The following TOM1L2 variants were observed in gnomAD, a reference collection of about 807,000 sequenced individuals.
The protein encoded by TOM1L2 is TOM1-like protein 2.
In TOM1L2, 31 loss-of-function variants were observed where a neutral mutation model predicts 67.9. That is an observed-to-expected ratio of 0.46 (90% CI 0.34 to 0.62). The LOEUF is 0.62. Ranked by LOEUF, TOM1L2 falls within the 20% of genes least tolerant of loss-of-function variation. The probability of loss-of-function intolerance (pLI) is 0.01; values close to 1 mark genes in which losing one functional copy is unlikely to be tolerated. For synonymous variants in TOM1L2, 256 were observed against 254.0 expected (o/e 1.01, Z -0.07); for missense variants, 606 against 663.5 (o/e 0.91, Z 0.95).
rs1048184792 is a variant in TOM1L2, at chr17:17,866,466, G to C, written c.961-47C>G. On this transcript the variant is annotated intron_variant, in intron 9 of 14. Transcript: ENST00000379504. ...CATAAGCCCCAGAACCCTGGAGTCA[G>C]GCTCTGAGGTAGAAGCTGGCAAGGC... 3.3e-6 allele frequency: 5 copies of C among 1,530,608 alleles called. No individual in the cohort carries two copies. The African/African-American group carries it at 4.1e-5, about 13-fold the overall frequency. The allele number at this position is 1,530,608 out of a possible 1,614,324, so 94.8% of individuals were successfully genotyped here.
chr17:17,910,899 C>T (rs1598317954), intron 1 of TOM1L2, among the ~76,000 whole-genome samples: 1 of 152,182 alleles, frequency 6.6e-6, no homozygotes, highest in African/African-American at 2.4e-5. Flanking sequence ...GGAGGTAGAT[C>T]ATTTGGCTGT....
At chr17:17,885,494 ATG>A (rs2037947939) in intron 4 of TOM1L2, among the ~76,000 whole-genome samples, 1 of 152,220 alleles carries the variant, frequency 6.6e-6, no homozygotes, top group Non-Finnish European at 1.5e-5. Context: ...ATGTCAGCAC[ATG>A]TGTGCCCAAA....
chr17:17,876,021 G>A (rs941739178), intron 7 of TOM1L2, among the ~76,000 whole-genome samples: 8 of 152,326 alleles, frequency 5.3e-5, no homozygotes, highest in African/African-American at 1.9e-4. Context: ...ATTATCTTAT[G>A]CTGATGAACG....
chr17:17,923,914 G>A (rs1045106444), intron 1 of TOM1L2, among the ~76,000 whole-genome samples: 11 of 151,968 alleles, frequency 7.2e-5, no homozygotes, highest in African/African-American at 2.7e-4. Flanking sequence ...GAGGTGGGCA[G>A]ATCATAAGGT....
chr17:17,904,651 G>C (rs2039007587), intron 2 of TOM1L2, among the ~76,000 whole-genome samples: 1 of 152,146 alleles, frequency 6.6e-6, no homozygotes, highest in South Asian at 2.1e-4. Context: ...TCGAAGCAGA[G>C]GTCCACCTCT....
intron 1 of TOM1L2, among the ~76,000 whole-genome samples, chr17:17,968,903 A>G (rs1597490099): frequency 1.3e-5 from 2 of 152,144 alleles, no homozygotes; most frequent in South Asian, 4.2e-4. Context: ...CTCAGACTCA[A>G]AGAAGCCAGT....
At chr17:17,861,223 C>T (rs1342738908) in intron 12 of TOM1L2, among the ~76,000 whole-genome samples, 1 of 152,206 alleles carries the variant, frequency 6.6e-6, no homozygotes. Context: ...CTCAGCCTGT[C>T]TCCCACCTGC....
At chr17:17,906,418 C>T (rs748092164) in intron 2 of TOM1L2, among the ~76,000 whole-genome samples, 5 of 152,072 alleles carry the variant, frequency 3.3e-5, no homozygotes, top group African/African-American at 9.7e-5. Flanking sequence ...TGTGACCCAC[C>T]GAGCCCAGCC....
At chr17:17,886,844 A>AACCCAGTT (rs2038023477) in intron 4 of TOM1L2, among the ~76,000 whole-genome samples, 1 of 152,170 alleles carries the variant, frequency 6.6e-6, no homozygotes. Context: ...CTGGAGTGGG[A>AACCCAGTT]GGGAAATGCA....
At chr17:17,868,170 G>A (rs540796248) in intron 8 of TOM1L2, among the ~76,000 whole-genome samples, 2 of 152,324 alleles carry the variant, frequency 1.3e-5, no homozygotes, top group East Asian at 3.9e-4. Flanking sequence ...GGGGCCTCGG[G>A]CTGGGAGTCA....
chr17:17,903,771 A>C (rs866591328), intron 2 of TOM1L2, among the ~76,000 whole-genome samples: 2 of 152,132 alleles, frequency 1.3e-5, no homozygotes, highest in Non-Finnish European at 2.9e-5. Context: ...ACGGGTTATG[A>C]AATCATATAA....
At chr17:17,851,009 C>A in intron 12 of TOM1L2, 57 bp from the exon 13 acceptor site, 3 of 1,584,684 alleles carry the variant, frequency 1.9e-6, no homozygotes, top group East Asian at 4.5e-5. Context: ...CGAGGGGAGA[C>A]AGAACACCGG....
intron 1 of TOM1L2, among the ~76,000 whole-genome samples, chr17:17,955,772 C>G (rs777488235): frequency 6.6e-6 from 1 of 152,158 alleles, no homozygotes; most frequent in Non-Finnish European, 1.5e-5. Flanking sequence ...TTTTACAGTT[C>G]TTAAAGGCGG....
chr17:17,849,870 C>T (rs1053666501), intron 13 of TOM1L2, among the ~76,000 whole-genome samples: 2 of 152,172 alleles, frequency 1.3e-5, no homozygotes, highest in East Asian at 3.8e-4. Context: ...AAAGATGTCC[C>T]GGGGTGTGTT....
chr17:17,946,512 C>T (rs749865300), intron 1 of TOM1L2, among the ~76,000 whole-genome samples: 1 of 152,062 alleles, frequency 6.6e-6, no homozygotes, highest in African/African-American at 2.4e-5. Context: ...AATATTTTTA[C>T]CCAATTCTAT....
chr17:17,847,925 T>G (rs1206068527), intron 14 of TOM1L2, 142 bp from the exon 15 acceptor site: 1 of 1,048,304 alleles, frequency 9.5e-7, no homozygotes, highest in East Asian at 2.5e-5. Flanking sequence ...GAGGGGTTCG[T>G]GAGCTGCAGT....
chr17:17,870,710 C>A (rs1279777498), intron 7 of TOM1L2, among the ~76,000 whole-genome samples: 1 of 152,230 alleles, frequency 6.6e-6, no homozygotes, highest in Admixed American at 6.5e-5. Context: ...GTCTCATAAT[C>A]TTGCTAGCTT....
chr17:17,906,564 C>T (rs542899320), intron 2 of TOM1L2, among the ~76,000 whole-genome samples: 1 of 152,346 alleles, frequency 6.6e-6, no homozygotes, highest in African/African-American at 2.4e-5. Flanking sequence ...CTCCCTACTA[C>T]TCTAGACTGG....
chr17:17,950,660 G>GTATT (rs903121994), intron 1 of TOM1L2, among the ~76,000 whole-genome samples: 1 of 152,128 alleles, frequency 6.6e-6, no homozygotes, highest in African/African-American at 2.4e-5. Flanking sequence ...TGATTTCAAT[G>GTATT]TATTTATTTA....
Sources: gnomAD v4.1 joint callset for allele counts (sites outside exome capture counted in the v4.1 genomes callset) on GRCh38, gnomAD v4.1.1 for gene constraint, MANE v1.5 for transcripts, NCBI Gene and HGNC (gene_info 2026-07-23, HGNC 2026-07-21) for gene names.